UGGT2: variants seen among roughly 807,000 people sequenced by gnomAD.
UGGT2 encodes the protein UDP-glucose:glycoprotein glucosyltransferase 2.
Under a neutral mutation model 192.1 loss-of-function variants are expected in UGGT2, and 180 were observed. The ratio of observed to expected loss-of-function variants is 0.94; its 90% confidence interval spans 0.83 to 1.06. The LOEUF is 1.06. UGGT2 is among the 50% of genes least tolerant of loss of function. The probability of loss-of-function intolerance (pLI) is 0.00; values close to 1 mark genes in which losing one functional copy is unlikely to be tolerated. For missense variants in UGGT2, 1,849 were observed against 1,795.7 expected (o/e 1.03, Z -0.54); for synonymous variants, 580 against 591.0 (o/e 0.98, Z 0.27).
At chr13:96,051,961 A>C (rs1428522732) in intron 1 of UGGT2, among the ~76,000 whole-genome samples, 1 of 152,228 alleles carries the variant, frequency 6.6e-6, no homozygotes, top group East Asian at 1.9e-4. Flanking sequence ...CATTTGATCC[A>C]GCAATCCCAC....
intron 38 of UGGT2, among the ~76,000 whole-genome samples, chr13:95,825,471 T>C (rs930067164): frequency 6.6e-6 from 1 of 152,134 alleles, no homozygotes. Context: ...ATCCCAGTGG[T>C]CCAGCTATTC....
intron 20 of UGGT2, among the ~76,000 whole-genome samples, 174 bp from the exon 21 acceptor site, chr13:95,903,234 C>A (rs572827383): frequency 6.6e-6 from 1 of 152,256 alleles, no homozygotes; most frequent in East Asian, 1.9e-4. Context: ...GCCTAACAAT[C>A]ATTTTACTAA....
chr13:95,846,519 A>G (rs2139991958), intron 36 of UGGT2, among the ~76,000 whole-genome samples: 1 of 152,314 alleles, frequency 6.6e-6, no homozygotes, highest in Middle Eastern at 3.4e-3. Context: ...TTTTCTTAAG[A>G]AATGCTTGTC....
intron 36 of UGGT2, among the ~76,000 whole-genome samples, chr13:95,851,557 A>G (rs3099361): frequency 0.96 from 146,644 of 152,282 alleles, 70,810 homozygotes; most frequent in East Asian, 1. Context: ...GGTCTGACAT[A>G]GAAGCCAATA....
chr13:95,969,016 ATGC>A (rs757381693), intron 12 of UGGT2, among the ~76,000 whole-genome samples: 19 of 152,178 alleles, frequency 1.2e-4, no homozygotes, highest in Middle Eastern at 3.2e-3. Context: ...AACCTGAGCC[ATGC>A]TGCAGCAGTT....
At chr13:96,000,642 A>G (rs1356656059) in intron 5 of UGGT2, among the ~76,000 whole-genome samples, 2 of 152,232 alleles carry the variant, frequency 1.3e-5, no homozygotes, top group African/African-American at 4.8e-5. Context: ...AATCGAAACT[A>G]TAAGGCCGTA....
intron 15 of UGGT2, among the ~76,000 whole-genome samples, chr13:95,943,769 A>C (rs1313829021): frequency 2.0e-5 from 3 of 152,004 alleles, no homozygotes; most frequent in Non-Finnish European, 4.4e-5. Flanking sequence ...ATTTTAAATG[A>C]GTATTTCCTT....
chr13:95,846,468 T>C (rs1213072027), intron 36 of UGGT2, among the ~76,000 whole-genome samples: 1 of 152,132 alleles, frequency 6.6e-6, no homozygotes, highest in East Asian at 1.9e-4. Context: ...TATATATTAC[T>C]AAATTTGATT....
rs145286533 is a variant in UGGT2 at position 95,993,760 on chromosome 13, C to T, written c.830+2303G>A. Among the ~76,000 whole-genome samples the T allele has an allele frequency of 5.1e-3, 777 of 152,124 alleles. 11 individuals carry two copies. The highest frequency in any genetic ancestry group is 0.018 in the African/African-American group (746 of 41,536). Reference sequence around the variant, plus strand: ...CACCAGGAGAACCACCCTGAGAGTCCTTCATAAATGACTGTAATACTAAAC... The same window carrying T: ...CACCAGGAGAACCACCCTGAGAGTCTTTCATAAATGACTGTAATACTAAAC... On this transcript the variant is annotated intron_variant, in intron 7 of 38. Transcript: ENST00000376747.
chr13:95,896,471 A>G (rs1039936847), intron 22 of UGGT2, among the ~76,000 whole-genome samples: 3 of 152,284 alleles, frequency 2.0e-5, no homozygotes, highest in South Asian at 2.1e-4. Flanking sequence ...TTGAAAGCAC[A>G]TTCAATGTTA....
intron 2 of UGGT2, among the ~76,000 whole-genome samples, chr13:96,028,515 A>T (rs2139143106): frequency 6.6e-6 from 1 of 152,374 alleles, no homozygotes; most frequent in Non-Finnish European, 1.5e-5. Flanking sequence ...TACATAGGTT[A>T]ACTAATATGC....
intron 27 of UGGT2, among the ~76,000 whole-genome samples, chr13:95,882,366 G>A (rs1215358147): frequency 2.6e-5 from 4 of 152,188 alleles, no homozygotes; most frequent in African/African-American, 4.8e-5. Context: ...TGGGAATTAG[G>A]TGTAACCAGG....
chr13:95,999,491 T>A (rs2051730426), intron 5 of UGGT2, among the ~76,000 whole-genome samples, 184 bp from the exon 6 acceptor site: 1 of 152,212 alleles, frequency 6.6e-6, no homozygotes, highest in Non-Finnish European at 1.5e-5. Flanking sequence ...AGAATTTGGT[T>A]AATGACTACT....
intron 19 of UGGT2, among the ~76,000 whole-genome samples, chr13:95,926,502 A>G (rs954886595): frequency 1.3e-5 from 2 of 152,196 alleles, no homozygotes; most frequent in East Asian, 1.9e-4. Context: ...GCAAAGCAAA[A>G]CAAAAACCAC....
At chr13:96,026,168 AAAAC>A (rs980760200) in intron 2 of UGGT2, among the ~76,000 whole-genome samples, 4 of 152,180 alleles carry the variant, frequency 2.6e-5, no homozygotes, top group Non-Finnish European at 2.9e-5. Flanking sequence ...TCTAGTTTAA[AAAAC>A]AAACAAACAA....
intron 38 of UGGT2, among the ~76,000 whole-genome samples, chr13:95,822,777 T>C (rs920436578): frequency 6.6e-6 from 1 of 152,060 alleles, no homozygotes; most frequent in African/African-American, 2.4e-5. Context: ...CATTGTTCTT[T>C]TTTGTTTGTT....
At chr13:95,966,625 T>C (rs1397141647) in intron 12 of UGGT2, among the ~76,000 whole-genome samples, 1 of 152,184 alleles carries the variant, frequency 6.6e-6, no homozygotes, top group Non-Finnish European at 1.5e-5. Context: ...ACTGATTTCA[T>C]CATTACACAC....
At chr13:95,835,764 G>A (rs1379890397) in intron 37 of UGGT2, among the ~76,000 whole-genome samples, 1 of 152,164 alleles carries the variant, frequency 6.6e-6, no homozygotes, top group East Asian at 1.9e-4. Context: ...AGACAAGGTA[G>A]TAGTGGAATA....
At position 95,989,987 on chromosome 13, in the gene UGGT2, A is replaced by G; in HGVS notation, c.917T>C (p.Val306Ala). 6.2e-7 allele frequency: 1 copy of G among 1,606,130 alleles called. No individual in the cohort carries two copies. Among genetic ancestry groups the G allele is most frequent in the Non-Finnish European group, 8.5e-7 (1 of 1,175,920 alleles). The change falls in exon 8 of 39, where the codon GTC (valine) becomes GCC (alanine). Residue 306 changes from valine to alanine, a missense_variant. By Grantham distance (64) the Val-to-Ala change is moderately conservative. Coordinates refer to ENST00000376747, the MANE Select transcript of UGGT2 (RefSeq NM_020121.4). ...ESNKQMMPLK[V>A]WELQDLSFQA... ...AAATACTATACCTTGTAGTTCCCAG[A>G]CTTTCAAAGGCATCATTTGTTTGTT... is the stretch of plus-strand genomic sequence containing the variant.
Sources: allele counts gnomAD v4.1 joint callset (sites outside exome capture counted in the v4.1 genomes callset), GRCh38; gene constraint gnomAD v4.1.1; transcripts MANE v1.5; gene names NCBI Gene and HGNC (gene_info 2026-07-23, HGNC 2026-07-21).